ARAP2: variants seen among roughly 807,000 people sequenced by gnomAD.
ARAP2 encodes the protein ArfGAP with RhoGAP domain, ankyrin repeat and PH domain 2.
Under a neutral mutation model 194.5 loss-of-function variants are expected in ARAP2, and 148 were observed. The observed-to-expected ratio is 0.76, with a 90% confidence interval of 0.67 to 0.87. The LOEUF (loss-of-function observed/expected upper bound fraction) is 0.87, where lower values mean the gene tolerates loss of function less well. ARAP2 is among the 40% of genes least tolerant of loss of function. ARAP2 has a pLI of 0.00. For synonymous variants in ARAP2, 695 were observed against 683.5 expected (o/e 1.02, Z -0.26); for missense variants, 2,128 against 1,989.7 (o/e 1.07, Z -1.32).
At chr4:36,028,825 A>G (rs577688650) in intron 5 of ARAP2, among the ~76,000 whole-genome samples, 23 of 151,914 alleles carry the variant, frequency 1.5e-4, no homozygotes, top group African/African-American at 5.3e-4. Context: ...ATTTTTATTT[A>G]CAAATTTTAT....
intron 10 of ARAP2, 25 bp from the exon 11 acceptor site, chr4:36,165,138 T>C (rs1440195334): frequency 1.2e-6 from 2 of 1,612,416 alleles, no homozygotes; most frequent in African/African-American, 1.3e-5. Flanking sequence ...GTTTCTGTGT[T>C]ATCGATCTCC....
In ARAP2 at chr4:36,117,140, A is replaced by C; in HGVS notation, c.3964-5T>G. ...CAAATCTCCAGCCTGGGAAACCTAG[A>C]AAAGGGCAGAGGTAGAAACAACACA... On this transcript the variant is annotated splice_polypyrimidine_tract_variant and splice_region_variant and intron_variant, in intron 24 of 32. Coordinates refer to ENST00000303965, the MANE Select transcript of ARAP2 (RefSeq NM_015230.4). 1 of 1,590,376 alleles carries C rather than the reference A, an allele frequency of 6.3e-7. No homozygotes were observed. Among genetic ancestry groups the C allele is most frequent in the South Asian group, 1.1e-5 (1 of 88,346 alleles).
At chr4:36,188,093 CTCT>C (rs1740976298) in intron 7 of ARAP2, among the ~76,000 whole-genome samples, 1 of 152,138 alleles carries the variant, frequency 6.6e-6, no homozygotes, top group African/African-American at 2.4e-5. Context: ...TTAATTTTTA[CTCT>C]TCAATGAATA....
At position 36,067,856 on chromosome 4, in the gene ARAP2, G is replaced by T; in HGVS notation, c.*51C>A. 1 of 1,510,704 alleles carries T rather than the reference G, an allele frequency of 6.6e-7. No homozygotes were observed. The highest frequency in any genetic ancestry group is 8.9e-7 in the Non-Finnish European group (1 of 1,128,836). 93.6% of individuals were successfully genotyped at this position (1,510,704 alleles called of 1,614,324 possible). On this transcript the variant is annotated 3_prime_UTR_variant, in exon 33 of 33. Coordinates refer to ENST00000303965, the MANE Select transcript of ARAP2 (RefSeq NM_015230.4). Reference sequence around the variant, plus strand: ...GTTCAGTTTTGGAGTTACACATAAAGATTGCATACAATATTAAAAAAATAA... The same window carrying T: ...GTTCAGTTTTGGAGTTACACATAAATATTGCATACAATATTAAAAAAATAA...
rs1404569798 is a variant in ARAP2 at position 36,244,481 on chromosome 4, T to C, written c.-462A>G. 1 of 150,526 alleles carries C rather than the reference T, an allele frequency of 6.6e-6. No homozygotes were observed. Among genetic ancestry groups the C allele is most frequent in the Non-Finnish European group, 1.5e-5 (1 of 67,446 alleles). 9.3% of individuals were successfully genotyped at this position (150,526 alleles called of 1,614,324 possible). ...GCCCGGCGCCCGCGCCTTGCTCAGG[T>C]GCTCCCGCGCCTCGCCTCGGCCGCC... On this transcript the variant is annotated 5_prime_UTR_variant, in exon 1 of 33. Transcript: ENST00000303965.
At chr4:36,185,421 A>G (rs1410091351) in intron 8 of ARAP2, among the ~76,000 whole-genome samples, 2 of 152,082 alleles carry the variant, frequency 1.3e-5, no homozygotes, top group Non-Finnish European at 2.9e-5. Flanking sequence ...ATCATAAACC[A>G]CTAAGTTGAT....
chr4:36,199,454 G>A (rs914749844), intron 6 of ARAP2, among the ~76,000 whole-genome samples: 6 of 152,082 alleles, frequency 3.9e-5, no homozygotes, highest in Non-Finnish European at 8.8e-5. Flanking sequence ...ACCATATCCA[G>A]CTAATTTTTG....
chr4:36,072,346 T>C (rs1479335637), intron 32 of ARAP2, among the ~76,000 whole-genome samples: 1 of 152,054 alleles, frequency 6.6e-6, no homozygotes, highest in African/African-American at 2.4e-5. Flanking sequence ...AGTTTTCCTA[T>C]CTTAAATATG....
rs199916293 is a variant in ARAP2 at position 36,117,025 on chromosome 4, C to A, written c.4038+36G>T. ...AAAATAATGCTAACATTTGTGACTTCCAACAGTCCTCTTTACATCCACCTT... is the reference window on the plus strand; with the variant it reads ...AAAATAATGCTAACATTTGTGACTTACAACAGTCCTCTTTACATCCACCTT... On this transcript the variant is annotated intron_variant, in intron 25 of 32. Coordinates refer to ENST00000303965, the MANE Select transcript of ARAP2 (RefSeq NM_015230.4). The A allele has an allele frequency of 1.3e-4, 185 of 1,407,050 alleles. No homozygotes were observed. The African/African-American group carries it at 2.6e-3, about 20-fold the overall frequency. 87.2% of individuals were successfully genotyped at this position (1,407,050 alleles called of 1,614,324 possible). A position where few individuals can be genotyped will look rare whatever the true frequency, so the allele number is the denominator to read the frequency against.
At chr4:36,110,822 AT>A (rs1368795621) in intron 26 of ARAP2, among the ~76,000 whole-genome samples, 1 of 151,940 alleles carries the variant, frequency 6.6e-6, no homozygotes, top group African/African-American at 2.4e-5. Context: ...GTGAAAAAAA[AT>A]GTACATGATT....
intron 2 of ARAP2, among the ~76,000 whole-genome samples, chr4:36,216,884 T>C (rs1326309980): frequency 6.6e-6 from 1 of 152,230 alleles, no homozygotes; most frequent in Non-Finnish European, 1.5e-5. Flanking sequence ...TTCATCATTT[T>C]GCAAACATCA....
chr4:36,157,121 G>A (rs1460014550), intron 15 of ARAP2, among the ~76,000 whole-genome samples: 1 of 152,104 alleles, frequency 6.6e-6, no homozygotes, highest in Non-Finnish European at 1.5e-5. Flanking sequence ...ACTGCAGAAT[G>A]CTTACAACAT....
At chr4:36,093,346 T>A (rs953056619) in intron 27 of ARAP2, among the ~76,000 whole-genome samples, 1 of 151,966 alleles carries the variant, frequency 6.6e-6, no homozygotes, top group African/African-American at 2.4e-5. Flanking sequence ...CATGTACCCC[T>A]GAACTTAAAA....
intron 6 of ARAP2, among the ~76,000 whole-genome samples, chr4:36,210,065 T>G (rs1746399767): frequency 6.6e-6 from 1 of 152,150 alleles, no homozygotes; most frequent in Non-Finnish European, 1.5e-5. Flanking sequence ...TCTGTCTTGT[T>G]TTTCTTTGTT....
chr4:36,178,746 AAT>A (rs1007648932), intron 8 of ARAP2, among the ~76,000 whole-genome samples: 17 of 152,346 alleles, frequency 1.1e-4, no homozygotes, highest in African/African-American at 3.6e-4. Context: ...GGTATGAAAT[AAT>A]ATATGAGTCA....
chr4:36,030,260 T>G (rs1288609508), intron 5 of ARAP2, among the ~76,000 whole-genome samples: 1 of 152,124 alleles, frequency 6.6e-6, no homozygotes, highest in Non-Finnish European at 1.5e-5. Flanking sequence ...TATTTCTATA[T>G]AACTATAAAA....
chr4:36,240,463 G>T (rs2109381581), intron 1 of ARAP2, among the ~76,000 whole-genome samples: 1 of 152,244 alleles, frequency 6.6e-6, no homozygotes, highest in African/African-American at 2.4e-5. Flanking sequence ...TTAACACCTG[G>T]GACACAAAGC....
chr4:36,070,027 G>A (rs952584994), intron 32 of ARAP2, among the ~76,000 whole-genome samples: 1 of 152,024 alleles, frequency 6.6e-6, no homozygotes, highest in African/African-American at 2.4e-5. Flanking sequence ...AAGGCTTCCC[G>A]AGAAGCCAAG....
intron 8 of ARAP2, among the ~76,000 whole-genome samples, chr4:36,186,998 T>C (rs1740707618): frequency 6.6e-6 from 1 of 152,244 alleles, no homozygotes; most frequent in Non-Finnish European, 1.5e-5. Flanking sequence ...CACCGGTTCA[T>C]GGAAAAATTG....
Sources: gnomAD v4.1 joint callset for allele counts (sites outside exome capture counted in the v4.1 genomes callset) on GRCh38, gnomAD v4.1.1 for gene constraint, MANE v1.5 for transcripts, NCBI Gene and HGNC (gene_info 2026-07-23, HGNC 2026-07-21) for gene names.